COL5A2: variants seen among roughly 807,000 people sequenced by gnomAD.
COL5A2 encodes the protein collagen alpha-2(V) chain.
A neutral mutation model predicts 208.2 loss-of-function variants in COL5A2; 23 were observed. The ratio of observed to expected loss-of-function variants is 0.11; its 90% CI spans 0.08 to 0.16. The LOEUF (loss-of-function observed/expected upper bound fraction) is 0.16. Among genes scored for constraint, COL5A2 ranks in the 10% least tolerant of loss-of-function variants. The pLI is 1.00. For missense variants in COL5A2, 1,590 were observed against 1,956.4 expected (o/e 0.81, Z 3.53); for synonymous variants, 625 against 628.5 (o/e 0.99, Z 0.08).
At chr2:189,304,936 A>C in the COL5A2 span, among the ~76,000 whole-genome samples, 1 of 152,232 alleles carries the variant, frequency 6.6e-6, no homozygotes, top group African/African-American at 2.4e-5. Context: ...AAATTTTATA[A>C]ATAATATGAG....
intron 1 of COL5A2, among the ~76,000 whole-genome samples, chr2:189,131,463 G>GA (rs1172845208): frequency 6.6e-6 from 1 of 152,026 alleles, no homozygotes; most frequent in Non-Finnish European, 1.5e-5. Flanking sequence ...TTTCTTGGGT[G>GA]AAAAAAATGT....
chr2:189,254,217 T>G, the COL5A2 span, among the ~76,000 whole-genome samples: 5 of 152,340 alleles, frequency 3.3e-5, no homozygotes, highest in Non-Finnish European at 5.9e-5. Flanking sequence ...ACTCAAATTT[T>G]CTCAATTTAA....
At chr2:189,412,963 G>T in the COL5A2 span, among the ~76,000 whole-genome samples, 1 of 152,180 alleles carries the variant, frequency 6.6e-6, no homozygotes, top group East Asian at 1.9e-4. Flanking sequence ...GAAGAGAATG[G>T]AAAAGTTGTA....
the COL5A2 span, among the ~76,000 whole-genome samples, chr2:189,234,415 T>C: frequency 6.6e-6 from 1 of 151,786 alleles, no homozygotes; most frequent in Non-Finnish European, 1.5e-5. Context: ...TCAAGAATAC[T>C]TTATTTTAGT....
At chr2:189,324,702 C>G in the COL5A2 span, among the ~76,000 whole-genome samples, 1 of 152,194 alleles carries the variant, frequency 6.6e-6, no homozygotes, top group Admixed American at 6.5e-5. Context: ...AATAGGAACA[C>G]TTTTACACTG....
At chr2:189,380,229 C>T in the COL5A2 span, among the ~76,000 whole-genome samples, 4 of 151,918 alleles carry the variant, frequency 2.6e-5, no homozygotes, top group South Asian at 8.3e-4. Flanking sequence ...CCAGAACCCA[C>T]TAGGATGAAA....
the COL5A2 span, among the ~76,000 whole-genome samples, chr2:189,242,232 C>T: frequency 1.3e-5 from 2 of 152,176 alleles, no homozygotes; most frequent in Non-Finnish European, 2.9e-5. Flanking sequence ...GTCACTGACA[C>T]AGCATTAGAT....
At chr2:189,218,469 C>T (rs1335040967) in intron 1 of COL5A2, among the ~76,000 whole-genome samples, 1 of 152,102 alleles carries the variant, frequency 6.6e-6, no homozygotes, top group African/African-American at 2.4e-5. Flanking sequence ...AACGATTTTC[C>T]CCCAGAGCCT....
At chr2:189,390,694 C>T in the COL5A2 span, among the ~76,000 whole-genome samples, 1 of 152,190 alleles carries the variant, frequency 6.6e-6, no homozygotes, top group African/African-American at 2.4e-5. Flanking sequence ...CCATGCTCAC[C>T]TATGTTCCAA....
chr2:189,067,029 T>A (rs1004540510), intron 21 of COL5A2, among the ~76,000 whole-genome samples: 3 of 152,200 alleles, frequency 2.0e-5, no homozygotes, highest in Non-Finnish European at 2.9e-5. Context: ...ATTTTTAAAA[T>A]CATGTTTTTT....
chr2:189,329,232 A>G, the COL5A2 span, among the ~76,000 whole-genome samples: 2 of 152,222 alleles, frequency 1.3e-5, no homozygotes, highest in Non-Finnish European at 2.9e-5. Flanking sequence ...AGAGAAAGAC[A>G]AATACTGCAC....
intron 35 of COL5A2, among the ~76,000 whole-genome samples, chr2:189,054,736 GC>G (rs1685865960): frequency 9.2e-6 from 1 of 109,136 alleles, no homozygotes; most frequent in Admixed American, 1.3e-4. Flanking sequence ...ACTCTACATT[GC>G]CCAGAATGGA....
At chr2:189,341,759 A>T in the COL5A2 span, among the ~76,000 whole-genome samples, 1 of 152,158 alleles carries the variant, frequency 6.6e-6, no homozygotes, top group African/African-American at 2.4e-5. Context: ...AAACCTTGAG[A>T]TTAAAAATCA....
rs1219761607 is a variant in COL5A2 at position 189,121,260 on chromosome 2, T to A, written c.98-10811A>T. ...GTGAGAAAATTAAAATCCAAAGCAG[T>A]TTTTTCCAAAAATTCATTTCCAAGG... On this transcript the variant is annotated intron_variant, in intron 1 of 53. Coordinates refer to ENST00000374866, the MANE Select transcript of COL5A2 (RefSeq NM_000393.5). Among the ~76,000 whole-genome samples the A allele has an allele frequency of 1.1e-4, 16 of 151,978 alleles. 1 individual carries two copies. The highest frequency in any genetic ancestry group is 9.8e-4 in the Admixed American group (15 of 15,248).
chr2:189,086,897 T>C, intron 8 of COL5A2, 127 bp from the exon 9 acceptor site: 2 of 780,112 alleles, frequency 2.6e-6, no homozygotes, highest in Non-Finnish European at 4.4e-6. Context: ...GATGACATTC[T>C]CCATCTGTAC....
At chr2:189,356,866 G>A in the COL5A2 span, among the ~76,000 whole-genome samples, 79 of 152,288 alleles carry the variant, frequency 5.2e-4, 1 homozygote, top group African/African-American at 1.2e-3. Context: ...CTCCATCTTC[G>A]TGGATTTATC....
At chr2:189,147,394 A>T (rs1688060693) in intron 1 of COL5A2, among the ~76,000 whole-genome samples, 1 of 152,198 alleles carries the variant, frequency 6.6e-6, no homozygotes, top group Non-Finnish European at 1.5e-5. Flanking sequence ...GAATTCAGCG[A>T]AGACCCTGGA....
At chr2:189,388,289 GA>G in the COL5A2 span, among the ~76,000 whole-genome samples, 1 of 152,158 alleles carries the variant, frequency 6.6e-6, no homozygotes, top group African/African-American at 2.4e-5. Flanking sequence ...GGGTGATCAA[GA>G]AAGCCTTCTT....
chr2:189,296,552 T>C, the COL5A2 span, among the ~76,000 whole-genome samples: 1 of 152,258 alleles, frequency 6.6e-6, no homozygotes, highest in Non-Finnish European at 1.5e-5. Context: ...GGTCTTTCAT[T>C]GTATTACCTT....
Sources: allele counts gnomAD v4.1 joint callset (sites outside exome capture counted in the v4.1 genomes callset), GRCh38; gene constraint gnomAD v4.1.1; transcripts MANE v1.5; gene names NCBI Gene and HGNC (gene_info 2026-07-23, HGNC 2026-07-21).